RBMS1: variants seen among roughly 807,000 people sequenced by gnomAD.
The protein encoded by RBMS1 is RNA-binding motif, single-stranded-interacting protein 1.
In RBMS1, 17 loss-of-function variants were observed where a neutral mutation model predicts 62.3. That is an observed-to-expected ratio of 0.27 (90% confidence interval 0.19 to 0.41). The LOEUF (loss-of-function observed/expected upper bound fraction) is 0.41, where lower values mean the gene tolerates loss of function less well. Ranked by LOEUF, RBMS1 falls within the 10% of genes least tolerant of loss-of-function variation. The probability of loss-of-function intolerance (pLI) is 1.00; values close to 1 mark genes in which losing one functional copy is unlikely to be tolerated. For missense variants in RBMS1, 334 were observed against 504.5 expected (o/e 0.66, Z 3.24); for synonymous variants, 172 against 170.0 (o/e 1.01, Z -0.09).
chr2:160,317,405 G>C (rs1690285179), intron 3 of RBMS1, among the ~76,000 whole-genome samples: 1 of 152,188 alleles, frequency 6.6e-6, no homozygotes, highest in Non-Finnish European at 1.5e-5. Flanking sequence ...TTCAAAGTCA[G>C]CTGACTCTAT....
intron 1 of RBMS1, among the ~76,000 whole-genome samples, chr2:160,452,513 TTTG>T (rs536873210): frequency 3.5e-3 from 526 of 152,350 alleles, no homozygotes; most frequent in African/African-American, 0.012. Flanking sequence ...TACTATATTT[TTTG>T]TTGTTGTATT....
At chr2:160,299,167 T>C (rs1437040656) in intron 6 of RBMS1, among the ~76,000 whole-genome samples, 1 of 151,966 alleles carries the variant, frequency 6.6e-6, no homozygotes, top group African/African-American at 2.4e-5. Flanking sequence ...AATGTCAGAT[T>C]GGAGAGAGTG....
At chr2:160,331,180 C>G (rs776570742) in intron 2 of RBMS1, among the ~76,000 whole-genome samples, 53 of 152,048 alleles carry the variant, frequency 3.5e-4, no homozygotes, top group Admixed American at 3.2e-3. Flanking sequence ...TTTAAGCTAC[C>G]CAGGTTGTGG....
chr2:160,455,626 G>C (rs1574081251), intron 1 of RBMS1, among the ~76,000 whole-genome samples: 3 of 151,000 alleles, frequency 2.0e-5, no homozygotes, highest in East Asian at 3.9e-4. Flanking sequence ...GAAAGAAAGA[G>C]AAGGGAGAGA....
At chr2:160,319,289 A>C (rs1181508142) in intron 2 of RBMS1, among the ~76,000 whole-genome samples, 12 of 152,178 alleles carry the variant, frequency 7.9e-5, no homozygotes, top group Admixed American at 7.9e-4. Flanking sequence ...AGGCGGATGG[A>C]TCACTTGTGG....
chr2:160,484,670 G>A (rs954020542), intron 1 of RBMS1, among the ~76,000 whole-genome samples: 1 of 151,440 alleles, frequency 6.6e-6, no homozygotes, highest in Non-Finnish European at 1.5e-5. Flanking sequence ...AGGAGATCGA[G>A]ACCATCCTGG....
At chr2:160,488,455 A>G (rs1326540912) in intron 1 of RBMS1, among the ~76,000 whole-genome samples, 1 of 152,188 alleles carries the variant, frequency 6.6e-6, no homozygotes, top group African/African-American at 2.4e-5. Flanking sequence ...ACGCGCCTGT[A>G]GTCCTAGCTA....
chr2:160,313,363 G>GGGA, intron 3 of RBMS1, 116 bp from the exon 4 acceptor site: 1 of 980,500 alleles, frequency 1.0e-6, no homozygotes, highest in Non-Finnish European at 1.5e-6. Flanking sequence ...AATGTCCTGA[G>GGGA]GGAGCTCAGG....
intron 13 of RBMS1, 174 bp downstream of exon 13, chr2:160,275,456 C>T: frequency 8.2e-7 from 1 of 1,221,278 alleles, no homozygotes; most frequent in Non-Finnish European, 1.1e-6. Flanking sequence ...AATGATTAAT[C>T]TTAAATTCAT....
chr2:160,482,513 C>T (rs931675520), intron 1 of RBMS1, among the ~76,000 whole-genome samples: 13 of 152,172 alleles, frequency 8.5e-5, no homozygotes, highest in Admixed American at 1.3e-4. Flanking sequence ...CATGCCTGGA[C>T]AGTAAGTATT....
rs1039425020 is a variant in RBMS1, at chr2:160,449,688, C to T, written c.75+43601G>A. Among the ~76,000 whole-genome samples, 3 of 152,104 alleles carry T rather than the reference C, an allele frequency of 2.0e-5. No homozygotes were observed. The South Asian group carries it at 6.2e-4, about 32-fold the overall frequency. On this transcript the variant is annotated intron_variant, in intron 1 of 13. Coordinates refer to ENST00000348849, the MANE Select transcript of RBMS1 (RefSeq NM_016836.4). ...CAAGTACCCAGGGACACAAACACTG[C>T]GGAAGGCCCTAGGGTCCTCTGCCTA...
chr2:160,354,819 T>A (rs1455826883), intron 2 of RBMS1, among the ~76,000 whole-genome samples: 1 of 152,086 alleles, frequency 6.6e-6, no homozygotes, highest in Non-Finnish European at 1.5e-5. Flanking sequence ...TAGACAAGCG[T>A]TAAGTCTGGC....
intron 9 of RBMS1, chr2:160,283,291 C>T (rs1437185163): frequency 6.6e-6 from 1 of 152,150 alleles, no homozygotes; most frequent in Non-Finnish European, 1.5e-5. Context: ...GAAAGACTAC[C>T]TTTTCATAGC....
chr2:160,337,082 G>A (rs1300242768), intron 2 of RBMS1, among the ~76,000 whole-genome samples: 2 of 151,962 alleles, frequency 1.3e-5, no homozygotes, highest in Non-Finnish European at 2.9e-5. Context: ...TGAATAGCAA[G>A]GCATACTTGA....
intron 1 of RBMS1, among the ~76,000 whole-genome samples, chr2:160,374,429 T>C (rs1397145030): frequency 6.6e-6 from 1 of 151,984 alleles, no homozygotes; most frequent in African/African-American, 2.4e-5. Context: ...CAAGTTGATG[T>C]TGGGGTAGGA....
intron 1 of RBMS1, among the ~76,000 whole-genome samples, chr2:160,414,966 CAGTG>C (rs1180931870): frequency 6.6e-6 from 1 of 151,992 alleles, no homozygotes; most frequent in Non-Finnish European, 1.5e-5. Flanking sequence ...GCTTAAACAA[CAGTG>C]AATTTGTAGC....
At chr2:160,434,918 G>A (rs1683052304) in intron 1 of RBMS1, among the ~76,000 whole-genome samples, 1 of 152,182 alleles carries the variant, frequency 6.6e-6, no homozygotes. Flanking sequence ...CCTGGTCAAA[G>A]ATGGCCAGAA....
At chr2:160,343,734 AATTAGAGTGG>A (rs1338180446) in intron 2 of RBMS1, among the ~76,000 whole-genome samples, 3 of 152,166 alleles carry the variant, frequency 2.0e-5, no homozygotes, top group African/African-American at 7.2e-5. Context: ...TTAGGAGAAT[AATTAGAGTGG>A]AGCCCCTTTT....
chr2:160,303,196 A>G, intron 5 of RBMS1, 134 bp downstream of exon 5: 1 of 840,596 alleles, frequency 1.2e-6, no homozygotes, highest in African/African-American at 1.8e-5. Context: ...GTATTTACAC[A>G]TAATTTAAGT....
Sources: gnomAD v4.1 joint callset for allele counts (sites outside exome capture counted in the v4.1 genomes callset) on GRCh38, gnomAD v4.1.1 for gene constraint, MANE v1.5 for transcripts, NCBI Gene and HGNC (gene_info 2026-07-23, HGNC 2026-07-21) for gene names.